Variants in RBM34 observed in about 807,000 individuals in gnomAD.
The protein encoded by RBM34 is RNA binding motif protein 34.
RBM34 carries 39 observed loss-of-function variants against 44.6 expected under a neutral mutation model. That is an observed-to-expected ratio of 0.87 (90% CI 0.68 to 1.14). RBM34 has a LOEUF of 1.14. Ranked by LOEUF, RBM34 falls within the 50% of genes most tolerant of loss-of-function variation. RBM34 has a pLI of 0.00. For synonymous variants in RBM34, 194 were observed against 184.0 expected (o/e 1.05, Z -0.44); for missense variants, 572 against 517.9 (o/e 1.10, Z -1.01).
At chr1:235,141,553 T>A (rs906265255) in intron 6 of RBM34, among the ~76,000 whole-genome samples, 1 of 152,122 alleles carries the variant, frequency 6.6e-6, no homozygotes, top group Admixed American at 6.5e-5. Context: ...CAGGCTGCCC[T>A]AGCCAGCAGT....
At chr1:235,153,018 C>T (rs569132344) in intron 4 of RBM34, among the ~76,000 whole-genome samples, 5 of 151,402 alleles carry the variant, frequency 3.3e-5, no homozygotes, top group East Asian at 1.9e-4. Flanking sequence ...TACAGGCGCC[C>T]GCCACCATGC....
chr1:235,160,706 G>C, intron 2 of RBM34, 59 bp from the exon 3 acceptor site: 1 of 1,566,012 alleles, frequency 6.4e-7, no homozygotes, highest in South Asian at 1.2e-5. Flanking sequence ...CTGACCCTAA[G>C]CCATAATTCA....
At chr1:235,160,453 T>C (rs1662657443) in intron 3 of RBM34, 58 bp downstream of exon 3, 19 of 1,531,676 alleles carry the variant, frequency 1.2e-5, no homozygotes, top group South Asian at 1.0e-4. Flanking sequence ...ATTCCAAGTA[T>C]AGGAATGTTA....
rs1160275057 is a variant in RBM34, at chr1:235,160,401, A to G, written c.365+110T>C. The G allele has an allele frequency of 2.2e-6, 3 of 1,389,884 alleles. No individual in the cohort carries two copies. The Admixed American group carries it at 5.9e-5, about 27-fold the overall frequency. 86.1% of individuals were successfully genotyped at this position (1,389,884 alleles called of 1,614,324 possible). A position where few individuals can be genotyped will look rare whatever the true frequency, so the allele number is the denominator to read the frequency against. On this transcript the variant is annotated intron_variant, in intron 3 of 10. Transcript: ENST00000408888. ...TATGTACTGGATTTTCCATAATAAA[A>G]GTTTTGAAAGAAAGTAGAAATATGA... is the stretch of plus-strand genomic sequence containing the variant.
chr1:235,137,423 A>G (rs1437879015), intron 8 of RBM34, among the ~76,000 whole-genome samples: 1 of 152,182 alleles, frequency 6.6e-6, no homozygotes, highest in Non-Finnish European at 1.5e-5. Flanking sequence ...TGCCCAGGCT[A>G]GAATGCAGTG....
intron 5 of RBM34, among the ~76,000 whole-genome samples, chr1:235,148,928 C>T (rs67106415): frequency 0.061 from 9,189 of 151,732 alleles, 523 homozygotes; most frequent in African/African-American, 0.15. Context: ...AAACGAAGCT[C>T]GTGGCTTAGG....
chr1:235,138,047 C>G (rs775578585), intron 7 of RBM34, 44 bp downstream of exon 7: 17 of 1,564,338 alleles, frequency 1.1e-5, no homozygotes, highest in Non-Finnish European at 1.5e-5. Context: ...CTCATACATA[C>G]TTATAGGACA....
intron 5 of RBM34, 146 bp downstream of exon 5, chr1:235,152,558 TAA>T (rs1367614158): frequency 7.1e-7 from 1 of 1,405,322 alleles, no homozygotes; most frequent in Non-Finnish European, 9.3e-7. Flanking sequence ...CAGTAGATAG[TAA>T]GAGCAACTCT....
Position 235,153,482 on chromosome 1 carries a change from G to A in RBM34, c.598-717C>T, listed in dbSNP as rs1008297918. On this transcript the variant is annotated intron_variant, in intron 4 of 10. Transcript: ENST00000408888. ...TCACTGTCACCCAGGCTGGAGTGCGGTGGCACGATCTTGGCTTCTGCAACC... is the reference window on the plus strand; with the variant it reads ...TCACTGTCACCCAGGCTGGAGTGCGATGGCACGATCTTGGCTTCTGCAACC... Among the ~76,000 whole-genome samples the A allele has an allele frequency of 9.9e-5, 15 of 151,610 alleles. No homozygotes were observed. The South Asian group carries it at 1.3e-3, about 13-fold the overall frequency.
At chr1:235,148,259 C>A in intron 6 of RBM34, 145 bp downstream of exon 6, 1 of 500,736 alleles carries the variant, frequency 2.0e-6, no homozygotes, top group South Asian at 4.4e-5. Flanking sequence ...TCTAAAGGCT[C>A]TCAAATACAG....
At chr1:235,145,387 C>G (rs549034550) in intron 6 of RBM34, among the ~76,000 whole-genome samples, 18 of 151,992 alleles carry the variant, frequency 1.2e-4, no homozygotes, top group African/African-American at 4.3e-4. Flanking sequence ...AAGTGATCCT[C>G]CCACCTCAGC....
At chr1:235,159,947 T>C (rs1224826275) in intron 3 of RBM34, among the ~76,000 whole-genome samples, 5 of 151,974 alleles carry the variant, frequency 3.3e-5, no homozygotes, top group Non-Finnish European at 2.9e-5. Flanking sequence ...TAAATTTTCA[T>C]TTTGCTTCCA....
chr1:235,142,594 A>G (rs1361434023), intron 6 of RBM34, among the ~76,000 whole-genome samples: 1 of 152,070 alleles, frequency 6.6e-6, no homozygotes, highest in African/African-American at 2.4e-5. Flanking sequence ...AGCACTCTCT[A>G]AATGAGATCT....
chr1:235,153,982 C>T (rs564614359), intron 4 of RBM34, among the ~76,000 whole-genome samples: 1 of 152,292 alleles, frequency 6.6e-6, no homozygotes, highest in Admixed American at 6.5e-5. Context: ...TGCGGTTGCT[C>T]ATGCCTGTAA....
At chr1:235,159,575 A>T (rs1452537957) in intron 3 of RBM34, among the ~76,000 whole-genome samples, 7 of 151,104 alleles carry the variant, frequency 4.6e-5, no homozygotes, top group South Asian at 2.1e-4. Flanking sequence ...TTTTTTTTTT[A>T]AAAAGCAAAC....
intron 5 of RBM34, chr1:235,152,489 G>C: frequency 1.6e-6 from 2 of 1,272,158 alleles, no homozygotes; most frequent in Non-Finnish European, 2.0e-6. Context: ...GGCTTTCATA[G>C]CAAGAGTATC....
At chr1:235,156,807 ACAAT>A (rs1329065237) in intron 3 of RBM34, 2 of 324,720 alleles carry the variant, frequency 6.2e-6, no homozygotes, top group Admixed American at 4.9e-5. Context: ...AGATAAAGAA[ACAAT>A]CAAAGGCCTC....
intron 3 of RBM34, 112 bp downstream of exon 3, chr1:235,160,399 A>T: frequency 7.2e-7 from 1 of 1,380,996 alleles, no homozygotes; most frequent in Non-Finnish European, 1.0e-6. Flanking sequence ...TTCCATAATA[A>T]AAGTTTTGAA....
In RBM34 at chr1:235,131,645, G is replaced by C. The variant is rs546647747; in HGVS notation, c.*68C>G. On this transcript the variant is annotated 3_prime_UTR_variant, in exon 11 of 11. Transcript: ENST00000408888. ...ACTCAACACATGAATAGCAGACGAT[G>C]CTATCAGCAGATAATAGCACTTTTA... is the stretch of plus-strand genomic sequence containing the variant. 4 of 1,489,970 alleles carry C rather than the reference G, an allele frequency of 2.7e-6. No homozygotes were observed. In the African/African-American group the frequency reaches 5.6e-5, roughly 21 times the overall value. The allele number at this position is 1,489,970 out of a possible 1,614,324, so 92.3% of individuals were successfully genotyped here. A position where few individuals can be genotyped will look rare whatever the true frequency, so the allele number is the denominator to read the frequency against.
Sources: gnomAD v4.1 joint callset for allele counts (sites outside exome capture counted in the v4.1 genomes callset) on GRCh38, gnomAD v4.1.1 for gene constraint, MANE v1.5 for transcripts, NCBI Gene and HGNC (gene_info 2026-07-23, HGNC 2026-07-21) for gene names.